Variants in SGMS1 observed in about 807,000 individuals in gnomAD.
SGMS1 encodes sphingomyelin synthase 1, also known as phosphatidylcholine:ceramide cholinephosphotransferase 1.
SGMS1 carries 13 observed loss-of-function variants against 46.2 expected under a neutral mutation model. That is an observed-to-expected ratio of 0.28 (90% confidence interval 0.18 to 0.45). The LOEUF is 0.45. Ranked by LOEUF, SGMS1 falls within the 20% of genes least tolerant of loss-of-function variation. SGMS1 has a pLI of 1.00. For missense variants in SGMS1, 324 were observed against 519.9 expected (o/e 0.62, Z 3.66); for synonymous variants, 203 against 187.8 (o/e 1.08, Z -0.66).
rs548652402 is a variant in SGMS1 at position 50,314,662 on chromosome 10, G to A, written c.742-3247C>T. 2.6e-5 allele frequency among the ~76,000 whole-genome samples: 4 copies of A among 152,268 alleles called. No individual in the cohort carries two copies. The South Asian group carries it at 8.3e-4, about 32-fold the overall frequency. On this transcript the variant is annotated intron_variant, in intron 8 of 10. Coordinates refer to ENST00000361781, the MANE Select transcript of SGMS1 (RefSeq NM_147156.4). Reference sequence around the variant, plus strand: ...TAATCACAAAAGCAACAGGCTGGGCGTGATGGCTCATTTCTGTAATCTCAG... The same window carrying A: ...TAATCACAAAAGCAACAGGCTGGGCATGATGGCTCATTTCTGTAATCTCAG...
At chr10:50,472,638 G>T (rs1341289568) in intron 3 of SGMS1, among the ~76,000 whole-genome samples, 3 of 152,058 alleles carry the variant, frequency 2.0e-5, no homozygotes, top group African/African-American at 7.2e-5. Context: ...AATAAACATG[G>T]GAGTGCACAT....
At chr10:50,596,010 G>T (rs981814070) in intron 1 of SGMS1, among the ~76,000 whole-genome samples, 3 of 152,192 alleles carry the variant, frequency 2.0e-5, no homozygotes, top group African/African-American at 7.2e-5. Flanking sequence ...GCAGGCATCA[G>T]ATGTATGCTT....
intron 2 of SGMS1, among the ~76,000 whole-genome samples, chr10:50,522,024 A>C (rs1837861372): frequency 2.6e-5 from 4 of 152,178 alleles, no homozygotes; most frequent in Admixed American, 2.6e-4. Context: ...TCTGCCTGAT[A>C]AAAACTTTAT....
At chr10:50,504,791 T>C (rs927605896) in intron 3 of SGMS1, among the ~76,000 whole-genome samples, 8 of 152,210 alleles carry the variant, frequency 5.3e-5, no homozygotes, top group African/African-American at 1.2e-4. Context: ...TTTCTGGCTA[T>C]ACAGAGACCC....
intron 6 of SGMS1, among the ~76,000 whole-genome samples, chr10:50,392,260 T>C (rs1482114027): frequency 1.3e-5 from 2 of 151,556 alleles, no homozygotes; most frequent in Non-Finnish European, 2.9e-5. Flanking sequence ...AACTTATAAA[T>C]GATTAATTTG....
rs1373270865 is a variant in SGMS1 at position 50,597,784 on chromosome 10, A to G, written c.-683-7537T>C. On this transcript the variant is annotated intron_variant, in intron 1 of 10. Coordinates refer to ENST00000361781, the MANE Select transcript of SGMS1 (RefSeq NM_147156.4). ...TCCCAGCACTTTGGGAGGCCGAGGC[A>G]GGTGGATCACCTGAGGTTGGGAGTT... is the stretch of plus-strand genomic sequence containing the variant. Among the ~76,000 whole-genome samples, 4 of 152,070 alleles carry G rather than the reference A, an allele frequency of 2.6e-5. No individual in the cohort carries two copies. In the East Asian group the frequency reaches 7.7e-4, roughly 29 times the overall value.
intron 1 of SGMS1, among the ~76,000 whole-genome samples, chr10:50,598,624 G>T (rs1838619153): frequency 6.6e-6 from 1 of 152,128 alleles, no homozygotes; most frequent in Non-Finnish European, 1.5e-5. Flanking sequence ...ACAATCATGG[G>T]ACAGGAGACC....
At chr10:50,514,020 A>C (rs979119951) in intron 3 of SGMS1, among the ~76,000 whole-genome samples, 5 of 152,222 alleles carry the variant, frequency 3.3e-5, no homozygotes, top group Admixed American at 3.3e-4. Flanking sequence ...GCATATTGTT[A>C]AGTTCAAAAG....
intron 6 of SGMS1, among the ~76,000 whole-genome samples, chr10:50,367,327 T>C (rs776037542): frequency 1.4e-4 from 22 of 152,160 alleles, no homozygotes; most frequent in Non-Finnish European, 2.5e-4. Context: ...AGAAATCAAG[T>C]TCAAGTCTAC....
At chr10:50,361,918 ATATC>A (rs1485111553) in intron 6 of SGMS1, among the ~76,000 whole-genome samples, 1 of 152,294 alleles carries the variant, frequency 6.6e-6, no homozygotes, top group African/African-American at 2.4e-5. Flanking sequence ...GGCCTGTATC[ATATC>A]CATACTCAAG....
intron 1 of SGMS1, among the ~76,000 whole-genome samples, chr10:50,601,976 AG>A (rs1838653830): frequency 6.6e-6 from 1 of 152,216 alleles, no homozygotes; most frequent in Non-Finnish European, 1.5e-5. Context: ...ACATGAGGTC[AG>A]GTGTGAAATT....
chr10:50,582,927 C>G (rs187573609), intron 2 of SGMS1, among the ~76,000 whole-genome samples: 16 of 152,344 alleles, frequency 1.1e-4, no homozygotes, highest in Non-Finnish European at 1.9e-4. Flanking sequence ...TCATGTGAGT[C>G]TGAACTTCCT....
chr10:50,614,729 C>T (rs1299598025), intron 1 of SGMS1, among the ~76,000 whole-genome samples: 2 of 152,238 alleles, frequency 1.3e-5, no homozygotes, highest in Non-Finnish European at 1.5e-5. Flanking sequence ...GCTGGGCTAA[C>T]CTGTGTATTA....
intron 8 of SGMS1, among the ~76,000 whole-genome samples, chr10:50,322,672 A>G (rs1272972741): frequency 3.3e-5 from 5 of 151,386 alleles, no homozygotes; most frequent in Admixed American, 2.0e-4. Flanking sequence ...CTCTACTAAA[A>G]ATACAAAAAA....
chr10:50,361,429 A>G (rs1848246231), intron 6 of SGMS1, among the ~76,000 whole-genome samples: 1 of 152,188 alleles, frequency 6.6e-6, no homozygotes. Context: ...GTCAGAACCC[A>G]GGCACATTAA....
intron 3 of SGMS1, among the ~76,000 whole-genome samples, chr10:50,492,068 A>T (rs1370656693): frequency 1.3e-5 from 2 of 152,214 alleles, no homozygotes; most frequent in Non-Finnish European, 2.9e-5. Flanking sequence ...AACAAAACCA[A>T]CATGATTATC....
intron 6 of SGMS1, among the ~76,000 whole-genome samples, chr10:50,367,561 A>C (rs186948609): frequency 6.6e-6 from 1 of 152,306 alleles, no homozygotes; most frequent in African/African-American, 2.4e-5. Context: ...AGGTAAAAAA[A>C]GAATCAAAAG....
chr10:50,487,984 A>T (rs916844752), intron 3 of SGMS1, among the ~76,000 whole-genome samples: 2 of 137,044 alleles, frequency 1.5e-5, no homozygotes, highest in South Asian at 2.4e-4. Flanking sequence ...TTTTGTTTTT[A>T]TTTTATTTAT....
chr10:50,445,355 T>C (rs1278796509), intron 5 of SGMS1, among the ~76,000 whole-genome samples: 1 of 152,158 alleles, frequency 6.6e-6, no homozygotes, highest in African/African-American at 2.4e-5. Context: ...AATATACTTC[T>C]AAGAACACAC....
Sources: gnomAD v4.1 joint callset for allele counts (sites outside exome capture counted in the v4.1 genomes callset) on GRCh38, gnomAD v4.1.1 for gene constraint, MANE v1.5 for transcripts, NCBI Gene and HGNC (gene_info 2026-07-23, HGNC 2026-07-21) for gene names.